DNAH3: variants seen among roughly 807,000 people sequenced by gnomAD.
The protein encoded by DNAH3 is axonemal beta dynein heavy chain 3.
A neutral mutation model predicts 432.5 loss-of-function variants in DNAH3; 332 were observed. The observed-to-expected ratio is 0.77, with a 90% confidence interval of 0.70 to 0.84. The LOEUF (loss-of-function observed/expected upper bound fraction) is 0.84, where lower values mean the gene tolerates loss of function less well. Ranked by LOEUF, DNAH3 falls within the 40% of genes least tolerant of loss-of-function variation. The pLI, the probability that DNAH3 is intolerant of heterozygous loss-of-function variation, is 0.00. For synonymous variants in DNAH3, 1,956 were observed against 1,900.2 expected, an observed-to-expected ratio of 1.03 and a Z score of -0.76; for missense variants, 4,861 against 5,114.0, an observed-to-expected ratio of 0.95 and a Z score of 1.51.
rs115037959 is a variant in DNAH3 at position 20,995,118 on chromosome 16, G to A, written c.6601+2165C>T. Among the ~76,000 whole-genome samples, 902 of 152,028 alleles carry A rather than the reference G, an allele frequency of 5.9e-3. 9 individuals carry two copies. Among genetic ancestry groups the A allele is most frequent in the African/African-American group, 0.021 (851 of 41,470 alleles). On this transcript the variant is annotated intron_variant, in intron 44 of 61. Transcript: ENST00000261383. The stretch of plus-strand genomic sequence containing the variant: ...ACCCAGATAATTTTTTGTTGTTGTT[G>A]TATTTTTTGTAGAGATGGTGTTTCG...
intron 27 of DNAH3, among the ~76,000 whole-genome samples, chr16:21,054,859 G>C (rs543439652): frequency 2.9e-4 from 44 of 152,252 alleles, no homozygotes; most frequent in African/African-American, 9.6e-4. Context: ...TGACTACAAA[G>C]GGCCTGAGGA....
chr16:20,963,305 G>C (rs144638590), exon 53 of DNAH3: 3 of 1,613,862 alleles, frequency 1.9e-6, no homozygotes, highest in Non-Finnish European at 2.5e-6. Flanking sequence ...TCTGCACTTG[G>C]AGACAACACA....
chr16:20,949,675 CT>C lies in DNAH3; in HGVS notation c.11189-1039del, dbSNP rs1337653854. On this transcript the variant is annotated intron_variant, in intron 56 of 61. Transcript: ENST00000261383. ...GTTGGAGCCTTTGCTAACTGTGCCCCTGATAGAGAATTACAACGAGCAAAGA... is the reference window on the plus strand; with the variant it reads ...GTTGGAGCCTTTGCTAACTGTGCCCCGATAGAGAATTACAACGAGCAAAGA... 8.5e-5 allele frequency among the ~76,000 whole-genome samples: 13 copies of C among 152,266 alleles called. No individual in the cohort carries two copies. The East Asian group carries it at 2.1e-3, about 25-fold the overall frequency.
chr16:21,081,806 GTTC>G, intron 19 of DNAH3, 79 bp from the exon 20 acceptor site: 1 of 1,240,228 alleles, frequency 8.1e-7, no homozygotes, highest in Non-Finnish European at 1.2e-6. Flanking sequence ...TGATGGAGAT[GTTC>G]TTTTTATCTG....
intron 1 of DNAH3, among the ~76,000 whole-genome samples, chr16:21,151,481 A>G (rs1312371736): frequency 6.6e-6 from 1 of 151,982 alleles, no homozygotes; most frequent in Non-Finnish European, 1.5e-5. Flanking sequence ...TATTTTTAGT[A>G]GAGACGGGGT....
At chr16:20,936,853 C>G in exon 60 of DNAH3, 3 of 1,608,690 alleles carry the variant, frequency 1.9e-6, no homozygotes. Flanking sequence ...CTTTGGTCAG[C>G]CTGCAAGAAC....
chr16:21,070,812 CA>C lies in DNAH3; in HGVS notation c.3098del (p.Leu1033CysfsTer15). On this transcript the variant is annotated frameshift_variant, in exon 22 of 62. Transcript: ENST00000261383. LOFTEE classifies it high-confidence loss of function. ...GCATTTGAATGTCATCAATTGCACACAAGATGTTTGTATCCTGTAAATAAAG... is the reference window on the plus strand; with the variant it reads ...GCATTTGAATGTCATCAATTGCACACAGATGTTTGTATCCTGTAAATAAAG... 3.7e-6 allele frequency: 6 copies of C among 1,606,022 alleles called. No individual in the cohort carries two copies. The highest frequency in any genetic ancestry group is 5.1e-6 in the Non-Finnish European group (6 of 1,172,786).
rs547801571 is a variant in DNAH3, at chr16:21,003,780, TAAATC to T, written c.6023-578_6023-574del. 7.9e-3 allele frequency among the ~76,000 whole-genome samples: 1,199 copies of T among 151,512 alleles called. 12 individuals carry two copies. The highest frequency in any genetic ancestry group is 0.027 in the African/African-American group (1,129 of 41,276). On this transcript the variant is annotated intron_variant, in intron 41 of 61. Transcript: ENST00000261383. ...ACAGAGTGAGACTCTGTCTCAAAAA[TAAATC>T]AATAAATATATACAATTAAAAAAAA...
chr16:21,100,818 T>C (rs966650124), intron 16 of DNAH3, among the ~76,000 whole-genome samples: 7 of 152,330 alleles, frequency 4.6e-5, no homozygotes, highest in East Asian at 1.9e-4. Flanking sequence ...TAAATTCTTT[T>C]TGAAGCTCCA....
intron 57 of DNAH3, among the ~76,000 whole-genome samples, chr16:20,946,163 T>C (rs567881483): frequency 7.2e-4 from 109 of 152,288 alleles, no homozygotes; most frequent in Non-Finnish European, 1.4e-3. Flanking sequence ...ACCTTAAGTC[T>C]GATAAGAAAC....
intron 1 of DNAH3, among the ~76,000 whole-genome samples, chr16:21,147,347 G>A (rs1045499667): frequency 6.6e-6 from 1 of 151,576 alleles, no homozygotes; most frequent in African/African-American, 2.4e-5. Context: ...AGCCTCCCAA[G>A]AAGCTGGATG....
intron 48 of DNAH3, among the ~76,000 whole-genome samples, chr16:20,984,058 G>A (rs1025446386): frequency 2.0e-5 from 3 of 146,866 alleles, no homozygotes; most frequent in East Asian, 2.1e-4. Context: ...CAGAAAGGGC[G>A]ATGGTTTGAA....
chr16:20,965,499 G>T (rs1200684190), intron 52 of DNAH3, 74 bp from the exon 53 acceptor site: 1 of 1,291,686 alleles, frequency 7.7e-7, no homozygotes, highest in Non-Finnish European at 1.0e-6. Flanking sequence ...AGTGGTTACT[G>T]CTGGTATTTG....
chr16:21,051,573 TA>T, intron 29 of DNAH3, 96 bp downstream of exon 29: 1 of 1,252,590 alleles, frequency 8.0e-7, no homozygotes, highest in Non-Finnish European at 1.1e-6. Context: ...GTGTGAAGGG[TA>T]AAGGTAACCC....
rs778000581 is a variant in DNAH3, at chr16:20,997,469, A to T, written c.6422-7T>A. On this transcript the variant is annotated splice_polypyrimidine_tract_variant and splice_region_variant and intron_variant, in intron 43 of 61. Transcript: ENST00000261383. ...GCTGGCATGTTGAGGTCATCTGGGG[A>T]AAGAAACCACAGATACAGCCATTGC... The T allele has an allele frequency of 5.6e-6, 9 of 1,613,410 alleles. No homozygotes were observed. The African/African-American group carries it at 9.3e-5, about 17-fold the overall frequency.
At chr16:20,952,996 G>A (rs12051478) in intron 55 of DNAH3, among the ~76,000 whole-genome samples, 11,482 of 152,110 alleles carry the variant, frequency 0.075, 565 homozygotes, top group East Asian at 0.17. Context: ...ATGACCACTC[G>A]TATTTCCAAG....
At chr16:21,124,948 G>A (rs567282362) in intron 9 of DNAH3, among the ~76,000 whole-genome samples, 8 of 149,412 alleles carry the variant, frequency 5.4e-5, no homozygotes, top group African/African-American at 7.4e-5. Context: ...TAATGCACCC[G>A]GCCACATTTA....
At chr16:21,036,592 G>A (rs111705758) in intron 35 of DNAH3, 122 bp downstream of exon 35, 1 of 917,858 alleles carries the variant, frequency 1.1e-6, no homozygotes, top group Admixed American at 2.4e-5. Flanking sequence ...TGTTTTACTT[G>A]CATTTCTACA....
intron 42 of DNAH3, 103 bp from the exon 43 acceptor site, chr16:21,000,621 ATCTT>A: frequency 9.4e-7 from 1 of 1,061,202 alleles, no homozygotes; most frequent in Non-Finnish European, 1.4e-6. Flanking sequence ...ATCCCTTACT[ATCTT>A]TATGACCTTA....
Sources: gnomAD v4.1 joint callset for allele counts (sites outside exome capture counted in the v4.1 genomes callset) on GRCh38, gnomAD v4.1.1 for gene constraint, MANE v1.5 for transcripts, NCBI Gene and HGNC (gene_info 2026-07-23, HGNC 2026-07-21) for gene names.